Variants in HYPK observed in about 807,000 individuals in gnomAD.
HYPK encodes the protein huntingtin interacting protein K, also known as huntingtin-interacting protein K.
A neutral mutation model predicts 13.9 loss-of-function variants in HYPK; 9 were observed. The ratio of observed to expected loss-of-function variants is 0.65; its 90% CI spans 0.39 to 1.13. The LOEUF is 1.13. Ranked by LOEUF, HYPK falls within the 50% of genes most tolerant of loss-of-function variation. The pLI, the probability that HYPK is intolerant of heterozygous loss-of-function variation, is 0.01. For missense variants in HYPK, 138 were observed against 157.6 expected (o/e 0.88, Z 0.67); for synonymous variants, 76 against 57.0 (o/e 1.33, Z -1.50).
At position 43,803,600 on chromosome 15, in the gene HYPK, G is replaced by C. The variant is rs183766282; in HGVS notation, c.*1794G>C. On this transcript the variant is annotated 3_prime_UTR_variant, in exon 4 of 4. Transcript: ENST00000442995. ...GGATCAGGAGTTTGAGACGAGCCTG[G>C]CCAAAATGGTGAAACCCCATCTCTA... Among the ~76,000 whole-genome samples the C allele has an allele frequency of 6.6e-6, 1 of 152,072 alleles. No homozygotes were observed. Among genetic ancestry groups the C allele is most frequent in the Non-Finnish European group, 1.5e-5 (1 of 67,990 alleles).
At position 43,803,314 on chromosome 15, in the gene HYPK, G is replaced by T. The variant is rs2087338875; in HGVS notation, c.*1508G>T. On this transcript the variant is annotated 3_prime_UTR_variant, in exon 4 of 4. Coordinates refer to ENST00000442995, the MANE Select transcript of HYPK (RefSeq NM_016400.4). ...TGGAGGCTGAGATGGATTTGCTTGA[G>T]CCTGGGAGGTTGAGGCTGCAGTGAG... is the stretch of plus-strand genomic sequence containing the variant. Among the ~76,000 whole-genome samples the T allele has an allele frequency of 6.6e-6, 1 of 151,708 alleles. No homozygotes were observed.
upstream of HYPK, chr15:43,800,478 C>T (rs777862614): frequency 1.6e-5 from 18 of 1,123,298 alleles, 1 homozygote; most frequent in Admixed American, 2.4e-4. Context: ...AGAGACGAAC[C>T]GCCTTCCTCC....
In HYPK at chr15:43,801,695, T is replaced by C; in HGVS notation, c.271-16T>C. ...TTAATGCCTGGGAACCTATGTAACATGATTTTTTTCTGCAGATGACTGAGA... is the reference window on the plus strand; with the variant it reads ...TTAATGCCTGGGAACCTATGTAACACGATTTTTTTCTGCAGATGACTGAGA... On this transcript the variant is annotated splice_polypyrimidine_tract_variant and intron_variant, in intron 3 of 3. Coordinates refer to ENST00000442995, the MANE Select transcript of HYPK (RefSeq NM_016400.4). 1.2e-6 allele frequency: 2 copies of C among 1,614,036 alleles called. No homozygotes were observed. The highest frequency in any genetic ancestry group is 1.7e-6 in the Non-Finnish European group (2 of 1,179,916).
rs1287742207 is a variant in HYPK, at chr15:43,803,546, C to G, written c.*1740C>G. 1.3e-5 allele frequency among the ~76,000 whole-genome samples: 2 copies of G among 152,026 alleles called. No individual in the cohort carries two copies. The highest frequency in any genetic ancestry group is 2.9e-5 in the Non-Finnish European group (2 of 67,994). On this transcript the variant is annotated 3_prime_UTR_variant, in exon 4 of 4. Transcript: ENST00000442995. ...GGCGCATGCCTATAATCCCAGCACT[C>G]TGGGAGGCCGAGGCAGGTGGATCAC... is the stretch of plus-strand genomic sequence containing the variant.
intron 1 of HYPK, 60 bp from the exon 2 acceptor site, chr15:43,801,072 C>T: frequency 1.4e-6 from 2 of 1,460,008 alleles, no homozygotes; most frequent in Non-Finnish European, 1.9e-6. Flanking sequence ...TTTTGTTGGC[C>T]TTTTAGATTA....
At position 43,803,018 on chromosome 15, in the gene HYPK, G is replaced by A. The variant is rs757950018; in HGVS notation, c.*1212G>A. The A allele has an allele frequency of 6.6e-5, 10 of 152,114 alleles. No homozygotes were observed. Among genetic ancestry groups the A allele is most frequent in the Non-Finnish European group, 1.2e-4 (8 of 68,132 alleles). 9.4% of individuals were successfully genotyped at this position (152,114 alleles called of 1,614,324 possible). The stretch of plus-strand genomic sequence containing the variant: ...AGCTTGGGCAACACAGTGAGATTTC[G>A]TCTCTACCGCGCTCCCCCCACCACC... On this transcript the variant is annotated 3_prime_UTR_variant, in exon 4 of 4. Coordinates refer to ENST00000442995, the MANE Select transcript of HYPK (RefSeq NM_016400.4).
chr15:43,802,745 T>G lies in HYPK; in HGVS notation c.*939T>G, dbSNP rs996227226. 2.0e-5 allele frequency: 3 copies of G among 151,956 alleles called. No individual in the cohort carries two copies. The highest frequency in any genetic ancestry group is 7.3e-5 in the African/African-American group (3 of 41,290). The allele number at this position is 151,956 out of a possible 1,614,324, so 9.4% of individuals were successfully genotyped here. ...AAAAAATAAAATTAGCCAGGCGTGG[T>G]GGTGCATGCCTGTAGTCCCAGCTAC... On this transcript the variant is annotated 3_prime_UTR_variant, in exon 4 of 4. Transcript: ENST00000442995.
Position 43,801,135 on chromosome 15 carries a change from A to T in HYPK, c.166A>T (p.Met56Leu). ...ACTAGACCTGCCTTTCCCATAGGCC[A>T]TGTCTGTGATTGGAGACAGAAGGTC... is the stretch of plus-strand genomic sequence containing the variant. ...EIQSSNLETA[M>L]SVIGDRRSRE... The change falls in exon 2 of 4, where the codon ATG becomes TTG. Residue 56 changes from methionine to leucine, a missense_variant. Physicochemically the swap from Met to Leu is conservative, Grantham distance 15. Around this residue, in one of 3 missense-constraint regions of HYPK, gnomAD observed 91 missense variants for 96.8 expected, o/e 0.94. Transcript: ENST00000442995. 1 of 1,613,850 alleles carries T rather than the reference A, an allele frequency of 6.2e-7. No homozygotes were observed. The highest frequency in any genetic ancestry group is 8.5e-7 in the Non-Finnish European group (1 of 1,179,850).
At chr15:43,800,567 C>A (rs759993007), upstream of HYPK, 10 of 1,610,592 alleles carry the variant, frequency 6.2e-6, no homozygotes, top group Admixed American at 3.4e-5. Flanking sequence ...GAAGCTGTGT[C>A]AGTTGCCGGA....
At position 43,801,776 on chromosome 15, in the gene HYPK, G is replaced by A. The variant is rs138656038; in HGVS notation, c.336G>A (p.Val112=). 8.7e-6 allele frequency: 14 copies of A among 1,614,068 alleles called. No individual in the cohort carries two copies. The highest frequency in any genetic ancestry group is 1.2e-5 in the Non-Finnish European group (14 of 1,180,030). The part of the protein sequence containing the change: ...ERSLREHMGN[V]VEALIALTN ...GTTTGCGGGAACACATGGGCAACGT[G>A]GTAGAGGCGCTTATTGCCCTAACCA... The change falls in exon 4 of 4, where the codon GTG becomes GTA. Residue 112 remains valine, a synonymous_variant. Coordinates refer to ENST00000442995, the MANE Select transcript of HYPK (RefSeq NM_016400.4).
rs573589800 is a variant in HYPK, at chr15:43,803,930, G to A, written c.*2124G>A. ...AGCACTTTGGGAGGCTGAGGCGGGCGGATCGCGAAGTGAAGATCAAGACCA... is the reference window on the plus strand; with the variant it reads ...AGCACTTTGGGAGGCTGAGGCGGGCAGATCGCGAAGTGAAGATCAAGACCA... On this transcript the variant is annotated 3_prime_UTR_variant, in exon 4 of 4. Coordinates refer to ENST00000442995, the MANE Select transcript of HYPK (RefSeq NM_016400.4). Among the ~76,000 whole-genome samples the A allele has an allele frequency of 8.6e-5, 13 of 151,886 alleles. No individual in the cohort carries two copies. The highest frequency in any genetic ancestry group is 1.9e-4 in the East Asian group (1 of 5,148).
chr15:43,804,104 CAAAA>C lies in HYPK; in HGVS notation c.*2305_*2308del, dbSNP rs72065548. ...CGTCTCTTTAAAACAAACAAACAAA[CAAAA>C]AAAAAACCCTGCAACGGCCCCTGAG... On this transcript the variant is annotated 3_prime_UTR_variant, in exon 4 of 4. Coordinates refer to ENST00000442995, the MANE Select transcript of HYPK (RefSeq NM_016400.4). Among the ~76,000 whole-genome samples the C allele has an allele frequency of 7.0e-4, 103 of 148,060 alleles. 1 individual carries two copies. The highest frequency in any genetic ancestry group is 2.1e-4 in the South Asian group (1 of 4,686).
In HYPK at chr15:43,803,259, G is replaced by C. The variant is rs1286226688; in HGVS notation, c.*1453G>C. Among the ~76,000 whole-genome samples, 1 of 151,972 alleles carries C rather than the reference G, an allele frequency of 6.6e-6. No homozygotes were observed. Among genetic ancestry groups the C allele is most frequent in the Non-Finnish European group, 1.5e-5 (1 of 68,000 alleles). On this transcript the variant is annotated 3_prime_UTR_variant, in exon 4 of 4. Transcript: ENST00000442995. ...AAAAAAAAAAAAGCCAGGCATGGTG[G>C]CATGTGCCTGTCTGTGGTCCCAGAT... is the stretch of plus-strand genomic sequence containing the variant.
At position 43,800,674 on chromosome 15, in the gene HYPK, C is replaced by G; in HGVS notation, c.52C>G (p.Pro18Ala). The G allele has an allele frequency of 6.2e-7, 1 of 1,614,020 alleles. No individual in the cohort carries two copies. The highest frequency in any genetic ancestry group is 8.5e-7 in the Non-Finnish European group (1 of 1,179,992). ...GGAGTTGGAGACTGAGACCAGTGGA[C>G]CAGAGCGGCCTCCGGAGAAGCCACG... ...ELELETETSGPERPPEKPRKH... is the reference protein window; with the variant it reads ...ELELETETSGAERPPEKPRKH... The change falls in exon 1 of 4, where the codon CCA becomes GCA. Residue 18 changes from proline (P) to alanine (A), a missense_variant. Pro to Ala is a conservative substitution (Grantham distance 27). Around this residue, in one of 3 missense-constraint regions of HYPK, gnomAD observed 43 missense variants for 30.4 expected, o/e 1.41. Coordinates refer to ENST00000442995, the MANE Select transcript of HYPK (RefSeq NM_016400.4).
chr15:43,800,495 C>A, upstream of HYPK: 2 of 1,275,868 alleles, frequency 1.6e-6, no homozygotes, highest in Non-Finnish European at 2.2e-6. Flanking sequence ...CTCCCTGAAG[C>A]TTCTAGAACT....
rs868284660 is a variant in HYPK at position 43,802,227 on chromosome 15, G to C, written c.*421G>C. ...GAACCCAGTTCATAGGCCACCTTGA[G>C]TTAGAATTTTGGTACCTACAACATG... On this transcript the variant is annotated 3_prime_UTR_variant, in exon 4 of 4. Transcript: ENST00000442995. The C allele has an allele frequency of 6.3e-6, 1 of 159,824 alleles. No individual in the cohort carries two copies. The highest frequency in any genetic ancestry group is 2.4e-5 in the African/African-American group (1 of 41,548). The allele number at this position is 159,824 out of a possible 1,614,324, so 9.9% of individuals were successfully genotyped here.
In HYPK at chr15:43,801,116, C is replaced by A; in HGVS notation, c.163-16C>A. ...TGTGGGTAGCGGTGCAGTAACTAGA[C>A]CTGCCTTTCCCATAGGCCATGTCTG... On this transcript the variant is annotated splice_polypyrimidine_tract_variant and intron_variant, in intron 1 of 3. Transcript: ENST00000442995. 1 of 1,611,748 alleles carries A rather than the reference C, an allele frequency of 6.2e-7. No homozygotes were observed. The highest frequency in any genetic ancestry group is 8.5e-7 in the Non-Finnish European group (1 of 1,178,094).
rs1321018433 is a variant in HYPK, at chr15:43,803,046, A to G, written c.*1240A>G. 6.6e-6 allele frequency: 1 copy of G among 151,998 alleles called. No homozygotes were observed. Among genetic ancestry groups the G allele is most frequent in the Non-Finnish European group, 1.5e-5 (1 of 68,098 alleles). 9.4% of individuals were successfully genotyped at this position (151,998 alleles called of 1,614,324 possible). A position where few individuals can be genotyped will look rare whatever the true frequency, so the allele number is the denominator to read the frequency against. The stretch of plus-strand genomic sequence containing the variant: ...TCTACCGCGCTCCCCCCACCACCAA[A>G]AAAAGAATTTAGGTACCTGAGGGTT... On this transcript the variant is annotated 3_prime_UTR_variant, in exon 4 of 4. Coordinates refer to ENST00000442995, the MANE Select transcript of HYPK (RefSeq NM_016400.4).
chr15:43,800,481 C>G (rs749322184), upstream of HYPK: 11 of 1,165,916 alleles, frequency 9.4e-6, no homozygotes, highest in African/African-American at 1.7e-4. Context: ...GACGAACCGC[C>G]TTCCTCCCTG....
Sources: gnomAD v4.1 joint callset for allele counts (sites outside exome capture counted in the v4.1 genomes callset) on GRCh38, gnomAD v4.1.1 for gene constraint, gnomAD v4.1.1 regional missense constraint, MANE v1.5 for transcripts, NCBI Gene and HGNC (gene_info 2026-07-23, HGNC 2026-07-21) for gene names.